Variants in CSMD1 observed in about 807,000 individuals in gnomAD.
The protein encoded by CSMD1 is CUB and sushi domain-containing protein 1.
CSMD1 carries 213 observed loss-of-function variants against 417.5 expected under a neutral mutation model. That is an observed-to-expected ratio of 0.51 (90% CI 0.46 to 0.57). The LOEUF is 0.57. Ranked by LOEUF, CSMD1 falls within the 20% of genes least tolerant of loss-of-function variation. CSMD1 has a pLI of 0.00. For synonymous variants in CSMD1, 2,862 were observed against 1,736.8 expected, an observed-to-expected ratio of 1.65 and a Z score of -16.11; for missense variants, 6,923 against 4,529.7, an observed-to-expected ratio of 1.53 and a Z score of -15.17.
chr8:3,534,621 A>C (rs375509009), intron 10 of CSMD1, among the ~76,000 whole-genome samples: 16 of 152,182 alleles, frequency 1.1e-4, no homozygotes, highest in Admixed American at 5.9e-4. Flanking sequence ...TTTCTGCTAG[A>C]TGTCAGTTGG....
At chr8:4,595,721 G>C (rs35817237) in intron 2 of CSMD1, among the ~76,000 whole-genome samples, 11,828 of 152,180 alleles carry the variant, frequency 0.078, 620 homozygotes, top group South Asian at 0.14. Flanking sequence ...AGGCAACATA[G>C]GTAGACTTTG....
At chr8:3,615,262 G>A (rs1301840235) in intron 8 of CSMD1, among the ~76,000 whole-genome samples, 2 of 152,112 alleles carry the variant, frequency 1.3e-5, no homozygotes, top group African/African-American at 2.4e-5. Flanking sequence ...CAAAAGGTGA[G>A]GCCTGCTTGT....
intron 1 of CSMD1, among the ~76,000 whole-genome samples, chr8:4,902,023 A>C (rs905361566): frequency 4.6e-5 from 7 of 152,216 alleles, no homozygotes; most frequent in African/African-American, 1.4e-4. Flanking sequence ...TGCAGCTATG[A>C]TGCAAACATA....
At chr8:4,678,693 G>A (rs991753732) in intron 1 of CSMD1, among the ~76,000 whole-genome samples, 3 of 152,034 alleles carry the variant, frequency 2.0e-5, no homozygotes, top group African/African-American at 7.2e-5. Flanking sequence ...ATCCAAATAA[G>A]ATAAAAATGT....
chr8:4,180,111 T>A (rs1189975361), intron 3 of CSMD1, among the ~76,000 whole-genome samples: 1 of 152,080 alleles, frequency 6.6e-6, no homozygotes, highest in Admixed American at 6.6e-5. Context: ...CATGCTGCTA[T>A]GAAGACACAT....
At position 4,937,784 on chromosome 8, in the gene CSMD1, GCA is replaced by G. The variant is rs112025933; in HGVS notation, c.85+56546_85+56547del. On this transcript the variant is annotated intron_variant, in intron 1 of 69. Transcript: ENST00000635120. ...AGAAGTTTCTCACACAGTGGCGCGT[GCA>G]CACACACACACACACACACAACTAC... Among the ~76,000 whole-genome samples, 520 of 149,312 alleles carry G rather than the reference GCA, an allele frequency of 3.5e-3. 4 individuals carry two copies. The highest frequency in any genetic ancestry group is 4.0e-3 in the Non-Finnish European group (270 of 67,058).
chr8:3,378,847 T>A (rs903070790), intron 18 of CSMD1, among the ~76,000 whole-genome samples: 1 of 152,178 alleles, frequency 6.6e-6, no homozygotes, highest in Non-Finnish European at 1.5e-5. Context: ...AAGACAAGGA[T>A]GCCCTTTCTC....
intron 4 of CSMD1, among the ~76,000 whole-genome samples, chr8:4,005,375 G>A (rs1816031374): frequency 6.6e-6 from 1 of 152,154 alleles, no homozygotes; most frequent in Non-Finnish European, 1.5e-5. Flanking sequence ...CCGGCTCCTT[G>A]AACAGACACA....
chr8:4,826,598 G>A (rs1799845170), intron 1 of CSMD1, among the ~76,000 whole-genome samples: 1 of 152,088 alleles, frequency 6.6e-6, no homozygotes, highest in Admixed American at 6.5e-5. Context: ...AACAACTGAT[G>A]GAAGAGCAAA....
At chr8:3,290,098 G>T (rs1298589983) in intron 25 of CSMD1, among the ~76,000 whole-genome samples, 1 of 146,808 alleles carries the variant, frequency 6.8e-6, no homozygotes, top group Non-Finnish European at 1.5e-5. Context: ...TTTCCCCATT[G>T]CTTGTTTTTG....
At chr8:3,330,287 T>A (rs1009705488) in intron 23 of CSMD1, among the ~76,000 whole-genome samples, 1 of 152,170 alleles carries the variant, frequency 6.6e-6, no homozygotes, top group Non-Finnish European at 1.5e-5. Flanking sequence ...CATAAAGACA[T>A]ACTCATGCAT....
chr8:4,425,308 T>A (rs551520469), intron 2 of CSMD1, among the ~76,000 whole-genome samples: 2 of 151,504 alleles, frequency 1.3e-5, no homozygotes, highest in East Asian at 3.9e-4. Context: ...TGGACGTATG[T>A]AGGGAAAATA....
At chr8:3,817,205 C>T (rs977669403) in intron 5 of CSMD1, among the ~76,000 whole-genome samples, 5 of 144,614 alleles carry the variant, frequency 3.5e-5, no homozygotes, top group African/African-American at 1.3e-4. Context: ...GTCAATTGTC[C>T]ACTCTGGAAA....
At chr8:3,880,468 C>T (rs1048775369) in intron 5 of CSMD1, among the ~76,000 whole-genome samples, 1 of 152,082 alleles carries the variant, frequency 6.6e-6, no homozygotes, top group Non-Finnish European at 1.5e-5. Flanking sequence ...TGAGATATCT[C>T]GCTGCTTCAC....
intron 10 of CSMD1, among the ~76,000 whole-genome samples, chr8:3,495,456 G>C (rs1235663447): frequency 6.6e-6 from 1 of 152,168 alleles, no homozygotes; most frequent in Non-Finnish European, 1.5e-5. Context: ...GGTGGAAAAA[G>C]GGCCATTCTG....
intron 3 of CSMD1, among the ~76,000 whole-genome samples, chr8:4,052,561 G>C (rs763857969): frequency 1.3e-5 from 2 of 151,988 alleles, no homozygotes; most frequent in South Asian, 2.1e-4. Context: ...GAGGAAGCAA[G>C]CTGAGAAAAT....
intron 3 of CSMD1, among the ~76,000 whole-genome samples, chr8:4,161,906 A>G (rs554412278): frequency 6.6e-6 from 1 of 152,316 alleles, no homozygotes; most frequent in Admixed American, 6.5e-5. Context: ...TCAAGACTTC[A>G]TCAGTTCATA....
chr8:4,844,520 C>A (rs1036696024), intron 1 of CSMD1, among the ~76,000 whole-genome samples: 10 of 152,140 alleles, frequency 6.6e-5, no homozygotes, highest in African/African-American at 2.2e-4. Flanking sequence ...AAGGTCAGGA[C>A]TGCCTGCTGC....
chr8:3,350,214 C>T (rs1178353489), intron 21 of CSMD1, among the ~76,000 whole-genome samples: 1 of 124,692 alleles, frequency 8.0e-6, no homozygotes, highest in Non-Finnish European at 1.7e-5. Flanking sequence ...GTTATAATAC[C>T]TATAATAACC....
Sources: gnomAD v4.1 joint callset for allele counts (sites outside exome capture counted in the v4.1 genomes callset) on GRCh38, gnomAD v4.1.1 for gene constraint, MANE v1.5 for transcripts, NCBI Gene and HGNC (gene_info 2026-07-23, HGNC 2026-07-21) for gene names.